Variants in PRKD1 observed in about 807,000 individuals in gnomAD.
PRKD1 encodes the protein protein kinase D1.
In PRKD1, 63 loss-of-function variants were observed where a neutral mutation model predicts 95.9. The ratio of observed to expected loss-of-function variants is 0.66; its 90% CI spans 0.54 to 0.81. The LOEUF (loss-of-function observed/expected upper bound fraction) is 0.81, where lower values mean the gene tolerates loss of function less well. Among genes scored for constraint, PRKD1 ranks in the 30% least tolerant of loss-of-function variants. PRKD1 has a pLI of 0.00. For synonymous variants in PRKD1, 425 were observed against 423.1 expected (o/e 1.00, Z -0.05); for missense variants, 1,048 against 1,165.3 (o/e 0.90, Z 1.47).
intron 1 of PRKD1, among the ~76,000 whole-genome samples, chr14:29,890,348 C>A (rs8014453): frequency 0.39 from 59,726 of 151,950 alleles, 12,229 homozygotes; most frequent in African/African-American, 0.51. Flanking sequence ...TAATTTCTAT[C>A]CCCAATTCCT....
intron 2 of PRKD1, among the ~76,000 whole-genome samples, chr14:29,693,464 A>T (rs1884347146): frequency 6.6e-6 from 1 of 152,114 alleles, no homozygotes; most frequent in Non-Finnish European, 1.5e-5. Flanking sequence ...GCAAAAAAAT[A>T]GCAGTGTAAA....
At chr14:29,819,788 T>C (rs995503246) in intron 1 of PRKD1, among the ~76,000 whole-genome samples, 1 of 152,246 alleles carries the variant, frequency 6.6e-6, no homozygotes, top group Non-Finnish European at 1.5e-5. Context: ...GCTAGAGGAA[T>C]GTTCTTTGTG....
At chr14:29,607,064 A>G (rs1353030460) in intron 13 of PRKD1, among the ~76,000 whole-genome samples, 1 of 152,228 alleles carries the variant, frequency 6.6e-6, no homozygotes, top group Non-Finnish European at 1.5e-5. Context: ...TATTTAATGG[A>G]ACAAAATACT....
At position 29,866,492 on chromosome 14, in the gene PRKD1, T is replaced by C. The variant is rs188918915; in HGVS notation, c.264+60757A>G. Among the ~76,000 whole-genome samples, 4 of 152,296 alleles carry C rather than the reference T, an allele frequency of 2.6e-5. No homozygotes were observed. The East Asian group carries it at 7.7e-4, about 29-fold the overall frequency. Reference sequence around the variant, plus strand: ...CATATTACAAAGACATATGAGAAACTATTACACACTCAAGGTGTTTAAGTC... The same window carrying C: ...CATATTACAAAGACATATGAGAAACCATTACACACTCAAGGTGTTTAAGTC... On this transcript the variant is annotated intron_variant, in intron 1 of 17. Coordinates refer to ENST00000331968, the MANE Select transcript of PRKD1 (RefSeq NM_002742.3).
Position 29,599,075 on chromosome 14 carries a change from G to C in PRKD1, c.2118C>G (p.Asp706Glu). The change falls in exon 15 of 18, where the codon GAC (aspartate) becomes GAG (glutamate). Residue 706 changes from aspartate (D) to glutamate (E), a missense_variant. Coordinates refer to ENST00000331968, the MANE Select transcript of PRKD1 (RefSeq NM_002742.3). Reference sequence around the variant, plus strand: ...CTAGCAACACATTTTCTGGTTTGAGGTCACAGTGAACGATATTTTTAAAAT... The same window carrying C: ...CTAGCAACACATTTTCTGGTTTGAGCTCACAGTGAACGATATTTTTAAAAT... ...HLHFKNIVHC[D>E]LKPENVLLAS... 6.2e-7 allele frequency: 1 copy of C among 1,613,798 alleles called. No individual in the cohort carries two copies. Among genetic ancestry groups the C allele is most frequent in the Non-Finnish European group, 8.5e-7 (1 of 1,179,804 alleles).
At chr14:29,851,828 C>T (rs752667589) in intron 1 of PRKD1, among the ~76,000 whole-genome samples, 3 of 152,132 alleles carry the variant, frequency 2.0e-5, no homozygotes, top group Admixed American at 6.5e-5. Context: ...TTGGAATCAA[C>T]GTAGGCACCC....
At chr14:29,578,930 C>T (rs144828856) in intron 16 of PRKD1, among the ~76,000 whole-genome samples, 1 of 152,162 alleles carries the variant, frequency 6.6e-6, no homozygotes, top group East Asian at 1.9e-4. Flanking sequence ...ACTTTAATTG[C>T]TTTCACTTTG....
intron 4 of PRKD1, among the ~76,000 whole-genome samples, chr14:29,658,815 A>C (rs546439554): frequency 1.3e-5 from 2 of 152,364 alleles, no homozygotes; most frequent in South Asian, 4.1e-4. Context: ...TTTAGCACCC[A>C]AAGAATTTAT....
intron 1 of PRKD1, among the ~76,000 whole-genome samples, chr14:29,742,664 G>A (rs888515755): frequency 6.6e-6 from 1 of 152,074 alleles, no homozygotes; most frequent in Non-Finnish European, 1.5e-5. Flanking sequence ...TTTGCTTTAG[G>A]ATACCGTAAA....
chr14:29,842,336 A>G (rs1891886398), intron 1 of PRKD1, among the ~76,000 whole-genome samples: 1 of 152,276 alleles, frequency 6.6e-6, no homozygotes, highest in Non-Finnish European at 1.5e-5. Context: ...TATTTTAAAC[A>G]ACTGGCAGTC....
intron 1 of PRKD1, among the ~76,000 whole-genome samples, chr14:29,870,698 T>A (rs1258604824): frequency 2.0e-5 from 3 of 152,238 alleles, no homozygotes; most frequent in African/African-American, 4.8e-5. Context: ...TCTTGCTACA[T>A]CTAAGAGTAT....
chr14:29,713,139 G>A (rs1056818483), intron 2 of PRKD1, among the ~76,000 whole-genome samples: 4 of 152,038 alleles, frequency 2.6e-5, no homozygotes, highest in Admixed American at 2.6e-4. Flanking sequence ...GAGAAAGAGA[G>A]AACTGAATAT....
chr14:29,739,749 T>C (rs1018560194), intron 1 of PRKD1, among the ~76,000 whole-genome samples: 1 of 152,220 alleles, frequency 6.6e-6, no homozygotes, highest in South Asian at 2.1e-4. Flanking sequence ...GTATCAAGTA[T>C]TGCTAAAGAA....
In PRKD1 at chr14:29,725,632, G is replaced by A. The variant is rs1594461847; in HGVS notation, c.307C>T (p.Leu103Phe). Residue 103 changes from leucine to phenylalanine, a missense_variant, in exon 2 of 18, where the codon CTT (leucine) becomes TTT (phenylalanine). Transcript: ENST00000331968. ...GFYGMYDKILLFRHDPTSENI... is the reference protein window; with the variant it reads ...GFYGMYDKILFFRHDPTSENI... ...TCAGAGGTAGGGTCATGGCGAAAAA[G>A]CAGGATCTTATCATACATTCCGTAG... 1.2e-6 allele frequency: 2 copies of A among 1,613,646 alleles called. No homozygotes were observed.
intron 4 of PRKD1, among the ~76,000 whole-genome samples, chr14:29,645,871 C>A (rs1881091564): frequency 6.6e-6 from 1 of 152,100 alleles, no homozygotes; most frequent in Non-Finnish European, 1.5e-5. Context: ...ACTCCTTACT[C>A]TATTACTGTC....
intron 2 of PRKD1, among the ~76,000 whole-genome samples, chr14:29,724,353 C>T (rs905414863): frequency 2.0e-5 from 3 of 152,122 alleles, no homozygotes; most frequent in Admixed American, 1.3e-4. Context: ...AAGAACTGAT[C>T]CAGTGCATGA....
chr14:29,656,582 A>G lies in PRKD1; in HGVS notation c.696+7117T>C, dbSNP rs1881854221. On this transcript the variant is annotated intron_variant, in intron 4 of 17. Transcript: ENST00000331968. ...AAAGACAGGAAAACAACGTTATTGG[A>G]TGGAAGCAAAGCACATTACTCAATA... 3 of 1,418,022 alleles carry G rather than the reference A, an allele frequency of 2.1e-6. No homozygotes were observed. In the Admixed American group the frequency reaches 5.9e-5, roughly 28 times the overall value. 87.8% of individuals were successfully genotyped at this position (1,418,022 alleles called of 1,614,324 possible). A position where few individuals can be genotyped will look rare whatever the true frequency, so the allele number is the denominator to read the frequency against.
chr14:29,608,124 C>A (rs1291616673), intron 13 of PRKD1, among the ~76,000 whole-genome samples: 1 of 152,128 alleles, frequency 6.6e-6, no homozygotes, highest in African/African-American at 2.4e-5. Context: ...CTGGATGCAT[C>A]CATTTTGCCA....
intron 3 of PRKD1, among the ~76,000 whole-genome samples, chr14:29,665,161 G>C (rs2139216005): frequency 6.6e-6 from 1 of 152,296 alleles, no homozygotes; most frequent in South Asian, 2.1e-4. Context: ...ATACTTCGGG[G>C]AGATACTGCT....
Sources: gnomAD v4.1 joint callset for allele counts (sites outside exome capture counted in the v4.1 genomes callset) on GRCh38, gnomAD v4.1.1 for gene constraint, MANE v1.5 for transcripts, NCBI Gene and HGNC (gene_info 2026-07-23, HGNC 2026-07-21) for gene names.